The following PRLR variants were observed in gnomAD, a reference collection of about 807,000 sequenced individuals.
PRLR encodes the protein prolactin receptor.
A neutral mutation model predicts 40.2 loss-of-function variants in PRLR; 13 were observed. That is an observed-to-expected ratio of 0.32 (90% CI 0.21 to 0.51). The LOEUF (loss-of-function observed/expected upper bound fraction) is 0.51. Among genes scored for constraint, PRLR ranks in the 20% least tolerant of loss-of-function variants. The pLI is 0.97. For missense variants in PRLR, 656 were observed against 747.3 expected, an observed-to-expected ratio of 0.88 and a Z score of 1.42; for synonymous variants, 269 against 278.7, an observed-to-expected ratio of 0.97 and a Z score of 0.35.
intron 2 of PRLR, among the ~76,000 whole-genome samples, chr5:35,109,451 T>G (rs1772500987): frequency 6.6e-6 from 1 of 151,816 alleles, no homozygotes; most frequent in African/African-American, 2.4e-5. Flanking sequence ...TGGGAGAAAA[T>G]TTTTACAATC....
At chr5:35,092,803 A>T (rs1207639393) in intron 2 of PRLR, among the ~76,000 whole-genome samples, 1 of 152,212 alleles carries the variant, frequency 6.6e-6, no homozygotes, top group Admixed American at 6.5e-5. Flanking sequence ...ACTGAGGGTT[A>T]AAAATGCAAG....
chr5:35,158,602 C>T (rs146043409), intron 1 of PRLR, among the ~76,000 whole-genome samples: 1 of 152,234 alleles, frequency 6.6e-6, no homozygotes, highest in East Asian at 1.9e-4. Flanking sequence ...TGAATATGTG[C>T]CCCTTGCTGG....
chr5:35,162,098 A>G (rs1774691374), intron 1 of PRLR, among the ~76,000 whole-genome samples: 1 of 152,206 alleles, frequency 6.6e-6, no homozygotes, highest in Admixed American at 6.5e-5. Flanking sequence ...GTGCATCAAG[A>G]AAAATCCTGG....
At chr5:35,126,256 G>A (rs1044958053) in intron 1 of PRLR, among the ~76,000 whole-genome samples, 3 of 152,054 alleles carry the variant, frequency 2.0e-5, no homozygotes, top group African/African-American at 4.8e-5. Context: ...TTTTTAGCCC[G>A]AGAGTGCCAT....
intron 1 of PRLR, among the ~76,000 whole-genome samples, chr5:35,163,052 A>G (rs1358117769): frequency 2.0e-5 from 3 of 152,084 alleles, no homozygotes; most frequent in African/African-American, 4.8e-5. Flanking sequence ...AGGAATACAC[A>G]CTGGGGTGGA....
chr5:35,225,281 A>G (rs897366260), intron 1 of PRLR, among the ~76,000 whole-genome samples: 10 of 152,360 alleles, frequency 6.6e-5, no homozygotes, highest in African/African-American at 2.4e-4. Flanking sequence ...CTATTTTATC[A>G]GATCCCAAAG....
intron 5 of PRLR, among the ~76,000 whole-genome samples, chr5:35,075,551 G>T (rs568650931): frequency 6.6e-6 from 1 of 152,204 alleles, no homozygotes; most frequent in African/African-American, 2.4e-5. Flanking sequence ...AGCTGGAACT[G>T]GGTGGAGCCC....
chr5:35,215,756 C>A (rs932459528), intron 1 of PRLR, among the ~76,000 whole-genome samples: 3 of 151,548 alleles, frequency 2.0e-5, no homozygotes, highest in African/African-American at 7.3e-5. Flanking sequence ...GAAGTAAGGG[C>A]CGGGCACGGT....
intron 2 of PRLR, among the ~76,000 whole-genome samples, chr5:35,093,647 G>A (rs1322867523): frequency 1.3e-5 from 2 of 152,140 alleles, no homozygotes; most frequent in Non-Finnish European, 2.9e-5. Context: ...CTCAGTTCCT[G>A]GATAATCAAG....
chr5:35,147,716 T>C (rs1434901998), intron 1 of PRLR, among the ~76,000 whole-genome samples: 1 of 152,206 alleles, frequency 6.6e-6, no homozygotes, highest in African/African-American at 2.4e-5. Flanking sequence ...AAAGTACTAT[T>C]AATTTTCAGA....
chr5:35,150,608 G>A (rs774649014), intron 1 of PRLR, among the ~76,000 whole-genome samples: 6 of 152,118 alleles, frequency 3.9e-5, no homozygotes, highest in Admixed American at 6.5e-5. Context: ...ATACAGCTGC[G>A]TGCTTAATAG....
intron 1 of PRLR, among the ~76,000 whole-genome samples, chr5:35,171,343 T>A (rs528589137): frequency 1.3e-5 from 2 of 152,154 alleles, no homozygotes; most frequent in South Asian, 4.2e-4. Flanking sequence ...TGGATAGAGG[T>A]GTTATTCAGC....
chr5:35,085,460 C>T (rs37388), intron 4 of PRLR, among the ~76,000 whole-genome samples: 26,434 of 152,128 alleles, frequency 0.17, 2,966 homozygotes, highest in African/African-American at 0.31. Flanking sequence ...TCACTGTCAG[C>T]GTAACAAAAT....
intron 1 of PRLR, among the ~76,000 whole-genome samples, chr5:35,151,300 G>A (rs1242199533): frequency 6.6e-6 from 1 of 152,180 alleles, no homozygotes; most frequent in Admixed American, 6.5e-5. Context: ...TGGAAAAGCT[G>A]TAAGATGGAA....
intron 2 of PRLR, among the ~76,000 whole-genome samples, chr5:35,116,569 G>C (rs1400843656): frequency 6.6e-6 from 1 of 152,140 alleles, no homozygotes; most frequent in Non-Finnish European, 1.5e-5. Flanking sequence ...TTAAAGGAAA[G>C]GTCCACTCAG....
At chr5:35,224,837 C>T (rs574879729) in intron 1 of PRLR, among the ~76,000 whole-genome samples, 1 of 152,022 alleles carries the variant, frequency 6.6e-6, no homozygotes, top group African/African-American at 2.4e-5. Flanking sequence ...TCTGACTGCT[C>T]TTTTTTTTGA....
intron 1 of PRLR, among the ~76,000 whole-genome samples, chr5:35,214,273 C>T (rs1328490970): frequency 6.6e-6 from 1 of 152,194 alleles, no homozygotes; most frequent in Non-Finnish European, 1.5e-5. Context: ...TCCAAAGGCT[C>T]ATAACCTAGC....
chr5:35,172,712 C>T (rs1055345295), intron 1 of PRLR, among the ~76,000 whole-genome samples: 15 of 152,202 alleles, frequency 9.9e-5, no homozygotes, highest in Middle Eastern at 3.2e-3. Flanking sequence ...CCGACTGATG[C>T]GGCAGCATGA....
Position 35,104,076 on chromosome 5 carries a change from G to T in PRLR, c.-44+13985C>A, listed in dbSNP as rs565558703. On this transcript the variant is annotated intron_variant, in intron 2 of 9. Transcript: ENST00000618457. ...TATATCCCGTACAGTTCAAAAGAGG[G>T]GTTCCCTGCTTAGCACAAACGTTCT... is the stretch of plus-strand genomic sequence containing the variant. 2.0e-4 allele frequency among the ~76,000 whole-genome samples: 31 copies of T among 152,134 alleles called. No homozygotes were observed. The East Asian group carries it at 5.8e-3, about 28-fold the overall frequency.
Sources: allele counts gnomAD v4.1 joint callset (sites outside exome capture counted in the v4.1 genomes callset), GRCh38; gene constraint gnomAD v4.1.1; transcripts MANE v1.5; gene names NCBI Gene and HGNC (gene_info 2026-07-23, HGNC 2026-07-21).